Variants in TSNARE1 observed in about 807,000 individuals in gnomAD.
TSNARE1 encodes the protein t-SNARE domain-containing protein 1.
In TSNARE1, 49 loss-of-function variants were observed where a neutral mutation model predicts 62.0. The observed-to-expected ratio is 0.79, with a 90% CI of 0.63 to 1.00. The LOEUF (loss-of-function observed/expected upper bound fraction) is 1.00, where lower values mean the gene tolerates loss of function less well. Ranked by LOEUF, TSNARE1 falls within the 50% of genes least tolerant of loss-of-function variation. The probability of loss-of-function intolerance (pLI) is 0.00; values close to 1 mark genes in which losing one functional copy is unlikely to be tolerated. For synonymous variants in TSNARE1, 328 were observed against 294.4 expected (o/e 1.11, Z -1.17); for missense variants, 755 against 700.1 (o/e 1.08, Z -0.88).
chr8:142,401,740 T>G (rs1361280945), intron 1 of TSNARE1, among the ~76,000 whole-genome samples: 1 of 152,102 alleles, frequency 6.6e-6, no homozygotes, highest in African/African-American at 2.4e-5. Flanking sequence ...CTCAACCTCC[T>G]CCAGGAAGTC....
chr8:142,368,602 C>T (rs1835720698), intron 1 of TSNARE1, among the ~76,000 whole-genome samples: 2 of 152,254 alleles, frequency 1.3e-5, no homozygotes, highest in South Asian at 4.1e-4. Flanking sequence ...GCCACCCAGG[C>T]AGACAAGAAG....
chr8:142,328,687 G>C (rs1400140654), intron 6 of TSNARE1, among the ~76,000 whole-genome samples: 5 of 152,196 alleles, frequency 3.3e-5, no homozygotes, highest in African/African-American at 1.2e-4. Context: ...TCCAGATCGT[G>C]ACGGCCCCCA....
intron 9 of TSNARE1, among the ~76,000 whole-genome samples, chr8:142,313,659 C>G (rs1400718707): frequency 1.3e-5 from 2 of 151,712 alleles, no homozygotes; most frequent in African/African-American, 2.4e-5. Flanking sequence ...CTGCAAGTCT[C>G]TGTGTGTCTG....
At chr8:142,262,916 G>A (rs1179732155) in intron 12 of TSNARE1, among the ~76,000 whole-genome samples, 1 of 152,160 alleles carries the variant, frequency 6.6e-6, no homozygotes, top group Non-Finnish European at 1.5e-5. Context: ...GTACGGAAAC[G>A]CCTTTGATTG....
chr8:142,402,612 G>C (rs1420811309), intron 1 of TSNARE1, among the ~76,000 whole-genome samples: 1 of 152,248 alleles, frequency 6.6e-6, no homozygotes, highest in Admixed American at 6.5e-5. Context: ...GGGACAGAAA[G>C]GCATGGAGAG....
intron 4 of TSNARE1, among the ~76,000 whole-genome samples, chr8:142,332,190 C>T (rs1013362717): frequency 1.3e-5 from 2 of 152,222 alleles, no homozygotes; most frequent in African/African-American, 4.8e-5. Context: ...AGCACAGCCC[C>T]GCTGATGAAG....
Position 142,300,620 on chromosome 8 carries a change from G to C in TSNARE1, c.1156C>G (p.Leu386Val). Residue 386 changes from leucine to valine, a missense_variant, in exon 10 of 14, where the codon CTG becomes GTG. Leu to Val is a conservative substitution (Grantham distance 32). Transcript: ENST00000524325. ...TTAAAGACCTTCTCATCATCAGCCA[G>C]CTCGGCAAACGGGGCCTGGGGACTC... The part of the protein sequence containing the change: ...KQSPQAPFAE[L>V]ADDEKVFNGS... The C allele has an allele frequency of 1.2e-6, 2 of 1,613,642 alleles. No homozygotes were observed. Among genetic ancestry groups the C allele is most frequent in the Non-Finnish European group, 1.7e-6 (2 of 1,179,942 alleles).
chr8:142,285,486 T>C (rs1822575371), intron 10 of TSNARE1, among the ~76,000 whole-genome samples: 1 of 79,034 alleles, frequency 1.3e-5, no homozygotes, highest in Non-Finnish European at 2.4e-5. Flanking sequence ...GGTGGGTAGA[T>C]GGGTGGATAG....
chr8:142,293,891 C>T (rs1824238419), intron 10 of TSNARE1, among the ~76,000 whole-genome samples: 1 of 152,172 alleles, frequency 6.6e-6, no homozygotes, highest in Non-Finnish European at 1.5e-5. Context: ...GAGGAGGGGC[C>T]ACACTGGCCC....
chr8:142,249,744 G>T (rs1818065366), intron 12 of TSNARE1, among the ~76,000 whole-genome samples: 1 of 152,182 alleles, frequency 6.6e-6, no homozygotes, highest in Non-Finnish European at 1.5e-5. Flanking sequence ...CTGTTTCCAA[G>T]CAGATCCCTT....
intron 12 of TSNARE1, among the ~76,000 whole-genome samples, chr8:142,254,486 C>T (rs763064530): frequency 2.6e-5 from 4 of 152,316 alleles, no homozygotes; most frequent in East Asian, 1.9e-4. Flanking sequence ...CTTTAAGCAG[C>T]GCCTCTGTAC....
intron 12 of TSNARE1, 98 bp downstream of exon 12, chr8:142,274,683 G>A (rs1347041983): frequency 2.5e-5 from 35 of 1,382,418 alleles, no homozygotes; most frequent in Non-Finnish European, 2.9e-5. Context: ...CCAGGCACAG[G>A]GCAGGGCCTG....
At chr8:142,303,035 T>C (rs1586676453) in intron 9 of TSNARE1, among the ~76,000 whole-genome samples, 1 of 152,134 alleles carries the variant, frequency 6.6e-6, no homozygotes, top group East Asian at 1.9e-4. Context: ...CTCCCGTGTG[T>C]GTGGGCATCT....
chr8:142,247,707 C>G (rs550171154), intron 12 of TSNARE1: 1 of 152,234 alleles, frequency 6.6e-6, no homozygotes, highest in South Asian at 2.1e-4. Context: ...TGGTTCATCC[C>G]GCTTTAGGCA....
At position 142,314,411 on chromosome 8, in the gene TSNARE1, A is replaced by C; in HGVS notation, c.1104T>G (p.Leu368=). 1 of 1,614,050 alleles carries C rather than the reference A, an allele frequency of 6.2e-7. No individual in the cohort carries two copies. ...KKIAEKSRAL[L]PMAQRGSKQS... ...GTTTACTGCCCCTCTGCGCCATGGGAAGCAGCGCTCTGGACTTTTCTGCAA... is the reference window on the plus strand; with the variant it reads ...GTTTACTGCCCCTCTGCGCCATGGGCAGCAGCGCTCTGGACTTTTCTGCAA... Residue 368 remains leucine, a synonymous_variant, in exon 9 of 14, where the codon CTT becomes CTG. Transcript: ENST00000524325.
At chr8:142,264,990 G>A (rs757239521) in intron 12 of TSNARE1, among the ~76,000 whole-genome samples, 5 of 151,666 alleles carry the variant, frequency 3.3e-5, no homozygotes, top group South Asian at 4.2e-4. Flanking sequence ...TGCATTTTTT[G>A]CCTTCTCCTT....
chr8:142,289,823 A>G (rs1361825417), intron 10 of TSNARE1, among the ~76,000 whole-genome samples: 1 of 152,236 alleles, frequency 6.6e-6, no homozygotes, highest in African/African-American at 2.4e-5. Context: ...ACAGAGGACT[A>G]AAGAGCTGAA....
chr8:142,261,138 A>T (rs1206136165), intron 12 of TSNARE1, among the ~76,000 whole-genome samples: 2 of 81,630 alleles, frequency 2.5e-5, no homozygotes, highest in African/African-American at 5.1e-5. Flanking sequence ...GAGGGAGGGA[A>T]GGAGGAAAGA....
At chr8:142,223,028 T>G (rs1288473414) in intron 13 of TSNARE1, among the ~76,000 whole-genome samples, 4 of 43,842 alleles carry the variant, frequency 9.1e-5, no homozygotes, top group African/African-American at 5.2e-4. Flanking sequence ...ACTCAGCCAC[T>G]CACTCATTCA....
Sources: gnomAD v4.1 joint callset for allele counts (sites outside exome capture counted in the v4.1 genomes callset) on GRCh38, gnomAD v4.1.1 for gene constraint, MANE v1.5 for transcripts, NCBI Gene and HGNC (gene_info 2026-07-23, HGNC 2026-07-21) for gene names.